ZMAT1: variants seen among roughly 807,000 people sequenced by gnomAD.
The protein encoded by ZMAT1 is zinc finger matrin-type 1.
A neutral mutation model predicts 18.5 loss-of-function variants in ZMAT1; 11 were observed. The observed-to-expected ratio is 0.59, with a 90% confidence interval of 0.37 to 0.98. The LOEUF is 0.98. ZMAT1 is among the 50% of genes least tolerant of loss of function. The pLI is 0.01. For missense variants in ZMAT1, 525 were observed against 496.2 expected, an observed-to-expected ratio of 1.06 and a Z score of -0.55; for synonymous variants, 211 against 176.4, an observed-to-expected ratio of 1.20 and a Z score of -1.55.
Position 101,883,982 on chromosome X carries a change from A to G in ZMAT1, c.1616T>C (p.Ile539Thr). 1 of 1,210,768 alleles carries G rather than the reference A, an allele frequency of 8.3e-7. No individual in the cohort carries two copies. The highest frequency in any genetic ancestry group is 1.1e-6 in the Non-Finnish European group (1 of 895,146). ...GTCTCTGGTGAGTTGACAGTAGCTA[A>G]TAGAATCTAGTCTCTGTTTGCTATC... is the stretch of plus-strand genomic sequence containing the variant. ...AHDSKQRLDS[I>T]SYCQLTRDCF... The change falls in exon 6 of 6, where the codon ATT (isoleucine) becomes ACT (threonine). Residue 539 changes from isoleucine to threonine, a missense_variant. Transcript: ENST00000651725.
intron 1 of ZMAT1, among the ~76,000 whole-genome samples, chrX:101,930,472 AT>A (rs759067816): frequency 8.9e-6 from 1 of 111,947 alleles, no homozygotes; most frequent in East Asian, 2.8e-4. Context: ...ATTGTAAGGG[AT>A]TTTTTTTCTA....
At chrX:101,911,956 C>G (rs760044186) in intron 1 of ZMAT1, 1 of 1,202,157 alleles carries the variant, frequency 8.3e-7, no homozygotes, top group Admixed American at 2.2e-5. Flanking sequence ...AGAGCACCCA[C>G]CTCACTCAGC....
intron 2 of ZMAT1, among the ~76,000 whole-genome samples, chrX:101,901,050 AT>A (rs982534270): frequency 9.2e-5 from 10 of 108,806 alleles, no homozygotes; most frequent in Non-Finnish European, 1.5e-4. Context: ...TATATTCCTA[AT>A]TTTTTTTTCT....
rs761952893 is a variant in ZMAT1, at chrX:101,884,780, G to A, written c.818C>T (p.Thr273Ile). 6 of 1,203,588 alleles carry A rather than the reference G, an allele frequency of 5.0e-6. No homozygotes were observed. In the East Asian group the frequency reaches 1.5e-4, roughly 30 times the overall value. ...ACACTCATTTTGGTAAGAGTCTTGT[G>A]TCTTCCTTGAATTCTTCACTAGATT... ...VINLVKNSRK[T>I]QDSYQNECAD... The change falls in exon 6 of 6, where the codon ACA (threonine) becomes ATA (isoleucine). Residue 273 changes from threonine (T) to isoleucine (I), a missense_variant. By Grantham distance (89) the Thr-to-Ile change is moderately conservative. Transcript: ENST00000651725.
At chrX:101,909,048 G>C (rs1928792846) in intron 1 of ZMAT1, among the ~76,000 whole-genome samples, 1 of 108,837 alleles carries the variant, frequency 9.2e-6, no homozygotes, top group Non-Finnish European at 1.9e-5. Flanking sequence ...AGAGAGGAGA[G>C]GACTTTGCCT....
chrX:101,925,092 C>A (rs1602352360), intron 1 of ZMAT1, among the ~76,000 whole-genome samples: 1 of 111,906 alleles, frequency 8.9e-6, no homozygotes, highest in Admixed American at 9.5e-5. Flanking sequence ...AGGACAGCTG[C>A]CCTGCAGAGT....
At chrX:101,913,518 AAACAG>A (rs756153163) in intron 1 of ZMAT1, among the ~76,000 whole-genome samples, 1 of 111,925 alleles carries the variant, frequency 8.9e-6, no homozygotes, top group South Asian at 3.8e-4. Context: ...AATGAAACTA[AAACAG>A]AACAGGAGTC....
Position 101,884,669 on chromosome X carries a change from C to T in ZMAT1, c.929G>A (p.Arg310His), listed in dbSNP as rs77527361. ...RKMEESSLET[R>H]RYREVVDSRP... is the part of the protein sequence containing the mutation. ...GGAATCGACCACTTCTCTGTATCTACGGGTTTCCAAAGAACTCTCTTCCAT... is the reference window on the plus strand; with the variant it reads ...GGAATCGACCACTTCTCTGTATCTATGGGTTTCCAAAGAACTCTCTTCCAT... The change falls in exon 6 of 6, where the codon CGT becomes CAT. Residue 310 changes from arginine to histidine, a missense_variant. Arg to His is a conservative substitution (Grantham distance 29, BLOSUM62 0). Transcript: ENST00000651725. The T allele has an allele frequency of 2.7e-4, 330 of 1,207,326 alleles. 4 individuals are homozygous for T. In the East Asian group the frequency reaches 9.2e-3, roughly 34 times the overall value.
chrX:101,895,793 T>C, intron 4 of ZMAT1: 1 of 741,249 alleles, frequency 1.3e-6, no homozygotes, highest in Non-Finnish European at 1.6e-6. Flanking sequence ...GAGGAAGGCA[T>C]AGTCTTGTCT....
At chrX:101,894,476 A>G (rs1927658167) in intron 4 of ZMAT1, 1 of 753,372 alleles carries the variant, frequency 1.3e-6, no homozygotes, top group Non-Finnish European at 1.6e-6. Flanking sequence ...ACTTTGAATG[A>G]CTAGGTGGAT....
At chrX:101,892,529 T>G (rs1927490046) in intron 4 of ZMAT1, among the ~76,000 whole-genome samples, 1 of 111,683 alleles carries the variant, frequency 9.0e-6, no homozygotes, top group Non-Finnish European at 1.9e-5. Context: ...TAATAAACAT[T>G]GGAACTACTA....
chrX:101,898,829 T>A (rs1219723116), intron 2 of ZMAT1, among the ~76,000 whole-genome samples: 5 of 111,480 alleles, frequency 4.5e-5, no homozygotes, highest in African/African-American at 1.6e-4. Flanking sequence ...GGTGGGCGGA[T>A]CACAAGGTCA....
rs1188208691 is a variant in ZMAT1 at position 101,884,647 on chromosome X, A to G, written c.951T>C (p.Asp317=). 2.5e-6 allele frequency: 3 copies of G among 1,208,914 alleles called. No homozygotes were observed. The highest frequency in any genetic ancestry group is 3.4e-6 in the Non-Finnish European group (3 of 894,801). Reference sequence around the variant, plus strand: ...CAAACATTCTATGTCTGGGTCTGGAATCGACCACTTCTCTGTATCTACGGG... The same window carrying G: ...CAAACATTCTATGTCTGGGTCTGGAGTCGACCACTTCTCTGTATCTACGGG... ...LETRRYREVV[D]SRPRHRMFEQ... is the part of the protein sequence containing the mutation. Residue 317 remains aspartate, a synonymous_variant, in exon 6 of 6, where the codon GAT becomes GAC. Transcript: ENST00000651725.
intron 4 of ZMAT1, chrX:101,889,690 T>C (rs1400467414): frequency 9.0e-6 from 1 of 111,640 alleles, no homozygotes; most frequent in Non-Finnish European, 1.9e-5. Flanking sequence ...TGAGAACCAC[T>C]GGTCTAACAT....
chrX:101,886,542 G>A (rs1926959890), intron 5 of ZMAT1, 90 bp downstream of exon 5: 9 of 584,386 alleles, frequency 1.5e-5, no homozygotes, highest in Non-Finnish European at 2.2e-5. Context: ...GGACATGAAT[G>A]CCTAAGAAGT....
chrX:101,910,150 TC>T (rs1438178333), intron 1 of ZMAT1, among the ~76,000 whole-genome samples: 1 of 112,394 alleles, frequency 8.9e-6, no homozygotes, highest in East Asian at 2.8e-4. Flanking sequence ...TAGAGAATTC[TC>T]CCAGATCATG....
intron 2 of ZMAT1, among the ~76,000 whole-genome samples, chrX:101,898,461 T>C (rs1242875627): frequency 8.9e-6 from 1 of 112,165 alleles, no homozygotes; most frequent in Non-Finnish European, 1.9e-5. Flanking sequence ...CAATATCAAA[T>C]ATCTTCTTTT....
chrX:101,912,941 C>T (rs1004828762), intron 1 of ZMAT1, among the ~76,000 whole-genome samples: 17 of 111,626 alleles, frequency 1.5e-4, no homozygotes, highest in African/African-American at 4.6e-4. Context: ...GCATTAGCAA[C>T]ACAGATATTT....
At chrX:101,926,507 G>A (rs1225056206) in intron 1 of ZMAT1, among the ~76,000 whole-genome samples, 2 of 112,070 alleles carry the variant, frequency 1.8e-5, no homozygotes, top group East Asian at 5.6e-4. Context: ...GCATTTTTAT[G>A]ACAAAAATAA....
Sources: allele counts gnomAD v4.1 joint callset (sites outside exome capture counted in the v4.1 genomes callset), GRCh38; gene constraint gnomAD v4.1.1; transcripts MANE v1.5; gene names NCBI Gene and HGNC (gene_info 2026-07-23, HGNC 2026-07-21).